MEPCE: variants seen among roughly 807,000 people sequenced by gnomAD.
The protein encoded by MEPCE is 7SK snRNA methylphosphate capping enzyme.
MEPCE carries 9 observed loss-of-function variants against 52.3 expected under a neutral mutation model. That is an observed-to-expected ratio of 0.17 (90% CI 0.10 to 0.30). The LOEUF (loss-of-function observed/expected upper bound fraction) is 0.30. MEPCE is among the 10% of genes least tolerant of loss of function. MEPCE has a pLI of 1.00. For missense variants in MEPCE, 826 were observed against 933.0 expected (o/e 0.89, Z 1.49); for synonymous variants, 477 against 401.6 (o/e 1.19, Z -2.25).
rs1432967235 is a variant in MEPCE, at chr7:100,430,120, G to GCAC, written c.105_107dup (p.His35dup). 3 of 1,263,548 alleles carry GCAC rather than the reference G, an allele frequency of 2.4e-6. No individual in the cohort carries two copies. In the African/African-American group the frequency reaches 4.7e-5, roughly 20 times the overall value. The allele number at this position is 1,263,548 out of a possible 1,614,324, so 78.3% of individuals were successfully genotyped here. On this transcript the variant is annotated inframe_insertion, in exon 1 of 4. Transcript: ENST00000310512. ...GAGGGGGCGGCCCCACGGTGCCACC[G>GCAC]CACCAAGAGGCCGCCTCTGGGGAGC...
rs892155145 is a variant in MEPCE, at chr7:100,430,132, C to G, written c.114C>G (p.Ala38=). Residue 38 remains alanine (A), a synonymous_variant, in exon 1 of 4, where the codon GCC becomes GCG. Coordinates refer to ENST00000310512, the MANE Select transcript of MEPCE (RefSeq NM_019606.6). ...CCACGGTGCCACCGCACCAAGAGGC[C>G]GCCTCTGGGGAGCTCCGCGGCGGGA... ...GGPTVPPHQE[A]ASGELRGGTE... is the part of the protein sequence containing the mutation. 7.9e-7 allele frequency: 1 copy of G among 1,268,424 alleles called. No individual in the cohort carries two copies. Among genetic ancestry groups the G allele is most frequent in the Admixed American group, 4.2e-5 (1 of 23,820 alleles). The allele number at this position is 1,268,424 out of a possible 1,614,324, so 78.6% of individuals were successfully genotyped here. A position where few individuals can be genotyped will look rare whatever the true frequency, so the allele number is the denominator to read the frequency against.
At chr7:100,429,473 C>T (rs1373063269), upstream of MEPCE, 2 of 152,436 alleles carry the variant, frequency 1.3e-5, no homozygotes, top group South Asian at 2.1e-4. Context: ...GGTCGGGTGT[C>T]AAGGAGACCT....
rs545888996 is a variant in MEPCE at position 100,433,337 on chromosome 7, C to T, written c.1965C>T (p.Asp655=). Reference sequence around the variant, plus strand: ...TCAGTTCCTACCTGACATCCCCAGACGTGGGCTTCTCCAGCTATGAGCTTG... The same window carrying T: ...TCAGTTCCTACCTGACATCCCCAGATGTGGGCTTCTCCAGCTATGAGCTTG... ...EQFSSYLTSP[D]VGFSSYELVA... is the part of the protein sequence containing the mutation. Residue 655 remains aspartate (D), a synonymous_variant, in exon 3 of 4, where the codon GAC becomes GAT. Coordinates refer to ENST00000310512, the MANE Select transcript of MEPCE (RefSeq NM_019606.6). 3.5e-5 allele frequency: 56 copies of T among 1,614,190 alleles called. No homozygotes were observed. The highest frequency in any genetic ancestry group is 4.3e-5 in the Non-Finnish European group (51 of 1,180,036).
rs1563163575 is a variant in MEPCE at position 100,431,151 on chromosome 7, G to T, written c.1133G>T (p.Gly378Val). 6.2e-7 allele frequency: 1 copy of T among 1,613,592 alleles called. No individual in the cohort carries two copies. The highest frequency in any genetic ancestry group is 8.5e-7 in the Non-Finnish European group (1 of 1,180,038). Residue 378 changes from glycine (G) to valine (V), a missense_variant, in exon 1 of 4, where the codon GGT (glycine) becomes GTT (valine). Gly to Val is a moderately radical substitution (Grantham distance 109). This residue lies in a region of MEPCE where 307 missense variants were observed against 292.1 expected (regional missense o/e 1.05). Coordinates refer to ENST00000310512, the MANE Select transcript of MEPCE (RefSeq NM_019606.6). ...TSSKSEAGAR[G>V]GGQGSKEKGR... ...AGCAAGTCGGAGGCAGGGGCTAGGG[G>T]TGGAGGCCAGGGTTCCAAGGAAAAG...
Position 100,429,865 on chromosome 7 carries a change from C to G in MEPCE, c.-154C>G, listed in dbSNP as rs1584319877. 5.1e-6 allele frequency: 3 copies of G among 590,728 alleles called. No individual in the cohort carries two copies. The South Asian group carries it at 2.7e-4, about 53-fold the overall frequency. 36.6% of individuals were successfully genotyped at this position (590,728 alleles called of 1,614,324 possible). On this transcript the variant is annotated 5_prime_UTR_variant, in exon 1 of 4. Coordinates refer to ENST00000310512, the MANE Select transcript of MEPCE (RefSeq NM_019606.6). ...TGGTCTCGCGGGCTAGTAGGGCGCACTTGGCGGGGAGGCGCTTGGGCGCGA... is the reference window on the plus strand; with the variant it reads ...TGGTCTCGCGGGCTAGTAGGGCGCAGTTGGCGGGGAGGCGCTTGGGCGCGA...
In MEPCE at chr7:100,431,505, G is replaced by C; in HGVS notation, c.1487G>C (p.Arg496Pro). ...CGACACTACCTTTCCGAGGAGCTGCGTCTCCCACCCCAGACTTTGGAAGGG... is the reference window on the plus strand; with the variant it reads ...CGACACTACCTTTCCGAGGAGCTGCCTCTCCCACCCCAGACTTTGGAAGGG... ...NIRHYLSEEL[R>P]LPPQTLEGDP... The change falls in exon 1 of 4, where the codon CGT (arginine) becomes CCT (proline). Residue 496 changes from arginine to proline, a missense_variant. This residue lies in a region of MEPCE where 107 missense variants were observed against 157.9 expected (regional missense o/e 0.68). Transcript: ENST00000310512. The C allele has an allele frequency of 6.2e-7, 1 of 1,613,402 alleles. No individual in the cohort carries two copies.
At chr7:100,431,823 C>A in intron 1 of MEPCE, 134 bp downstream of exon 1, 1 of 810,916 alleles carries the variant, frequency 1.2e-6, no homozygotes, top group Non-Finnish European at 1.9e-6. Context: ...CTCTGCTGGG[C>A]GTCTCTCCCC....
In MEPCE at chr7:100,433,688, C is replaced by G; in HGVS notation, c.*134C>G. On this transcript the variant is annotated 3_prime_UTR_variant, in exon 4 of 4. Transcript: ENST00000310512. ...TCCTTTCTTGGATCTGCAAAGAAAG[C>G]TTTTCTTCCGTCGCTGCCTCAGCCT... is the stretch of plus-strand genomic sequence containing the variant. 2 of 945,826 alleles carry G rather than the reference C, an allele frequency of 2.1e-6. No individual in the cohort carries two copies. The highest frequency in any genetic ancestry group is 3.2e-5 in the South Asian group (2 of 62,322). The allele number at this position is 945,826 out of a possible 1,614,324, so 58.6% of individuals were successfully genotyped here.
Position 100,430,110 on chromosome 7 carries a change from C to A in MEPCE, c.92C>A (p.Thr31Lys). 1 of 1,261,332 alleles carries A rather than the reference C, an allele frequency of 7.9e-7. No individual in the cohort carries two copies. The highest frequency in any genetic ancestry group is 3.0e-5 in the South Asian group (1 of 33,634). 78.1% of individuals were successfully genotyped at this position (1,261,332 alleles called of 1,614,324 possible). A position where few individuals can be genotyped will look rare whatever the true frequency, so the allele number is the denominator to read the frequency against. Residue 31 changes from threonine to lysine, a missense_variant, in exon 1 of 4, where the codon ACG (threonine) becomes AAG (lysine). This residue lies in a region of MEPCE where 314 missense variants were observed against 277.7 expected (regional missense o/e 1.13). Transcript: ENST00000310512. The part of the protein sequence containing the change: ...KDESGGGGGP[T>K]VPPHQEAASG... The stretch of plus-strand genomic sequence containing the variant: ...GAGTCGGGCGGAGGGGGCGGCCCCA[C>A]GGTGCCACCGCACCAAGAGGCCGCC...
Position 100,433,905 on chromosome 7 carries a change from C to T in MEPCE, c.*351C>T, listed in dbSNP as rs1798798218. ...CTATTCTCCCAAGGAGAGAGATTCC[C>T]ATTTCTCCTCGGCCATTGTACCTAG... On this transcript the variant is annotated 3_prime_UTR_variant, in exon 4 of 4. Coordinates refer to ENST00000310512, the MANE Select transcript of MEPCE (RefSeq NM_019606.6). The T allele has an allele frequency of 3.4e-6, 1 of 294,972 alleles. No individual in the cohort carries two copies. The highest frequency in any genetic ancestry group is 2.2e-5 in the African/African-American group (1 of 45,786). 18.3% of individuals were successfully genotyped at this position (294,972 alleles called of 1,614,324 possible). A position where few individuals can be genotyped will look rare whatever the true frequency, so the allele number is the denominator to read the frequency against.
Position 100,431,209 on chromosome 7 carries a change from C to A in MEPCE, c.1191C>A (p.His397Gln). The A allele has an allele frequency of 6.2e-7, 1 of 1,613,942 alleles. No homozygotes were observed. The highest frequency in any genetic ancestry group is 8.5e-7 in the Non-Finnish European group (1 of 1,180,010). ...GRGSWGGRHH[H>Q]HHPLPAAGFK... ...GGAGTTGGGGAGGCCGCCACCACCA[C>A]CACCACCCACTGCCTGCAGCAGGCT... is the stretch of plus-strand genomic sequence containing the variant. Residue 397 changes from histidine to glutamine, a missense_variant, in exon 1 of 4, where the codon CAC becomes CAA. His to Gln is a conservative substitution (Grantham distance 24, BLOSUM62 0). Transcript: ENST00000310512.
At chr7:100,429,806 C>T, upstream of MEPCE, 1 of 410,380 alleles carries the variant, frequency 2.4e-6, no homozygotes. Flanking sequence ...CGGTTGAGTC[C>T]TCGAGTAGTT....
In MEPCE at chr7:100,430,123, C is replaced by G; in HGVS notation, c.105C>G (p.His35Gln). ...GGGGGPTVPP[H>Q]QEAASGELRG... Reference sequence around the variant, plus strand: ...GGGGCGGCCCCACGGTGCCACCGCACCAAGAGGCCGCCTCTGGGGAGCTCC... The same window carrying G: ...GGGGCGGCCCCACGGTGCCACCGCAGCAAGAGGCCGCCTCTGGGGAGCTCC... Residue 35 changes from histidine to glutamine, a missense_variant, in exon 1 of 4, where the codon CAC becomes CAG. Transcript: ENST00000310512. The G allele has an allele frequency of 2.4e-6, 3 of 1,267,550 alleles. No homozygotes were observed. Among genetic ancestry groups the G allele is most frequent in the Non-Finnish European group, 3.0e-6 (3 of 1,006,698 alleles). The allele number at this position is 1,267,550 out of a possible 1,614,324, so 78.5% of individuals were successfully genotyped here.
upstream of MEPCE, chr7:100,428,798 G>C (rs200701118): frequency 2.2e-4 from 34 of 151,996 alleles, no homozygotes; most frequent in African/African-American, 8.0e-4. Context: ...GTGTTGAGAG[G>C]CCCGCGAACT....
At position 100,431,486 on chromosome 7, in the gene MEPCE, T is replaced by C. The variant is rs1183138782; in HGVS notation, c.1468T>C (p.Tyr490His). 3 of 1,613,434 alleles carry C rather than the reference T, an allele frequency of 1.9e-6. No homozygotes were observed. The highest frequency in any genetic ancestry group is 2.5e-6 in the Non-Finnish European group (3 of 1,180,018). Residue 490 changes from tyrosine (Y) to histidine (H), a missense_variant, in exon 1 of 4, where the codon TAC becomes CAC. Tyr to His is a moderately conservative substitution (Grantham distance 83). Around this residue, in one of 7 missense-constraint regions of MEPCE, gnomAD observed 107 missense variants for 157.9 expected, o/e 0.68. Transcript: ENST00000310512. ...TTCTGCCCGCCAAAACATCCGACAC[T>C]ACCTTTCCGAGGAGCTGCGTCTCCC... Reference protein sequence around the residue: ...IHSARQNIRHYLSEELRLPPQ... With the variant: ...IHSARQNIRHHLSEELRLPPQ...
At chr7:100,429,291 C>A (rs1025398062), upstream of MEPCE, 2 of 152,280 alleles carry the variant, frequency 1.3e-5, no homozygotes, top group Non-Finnish European at 2.9e-5. Context: ...CAGGCCCAAC[C>A]CCTAAGACGG....
At position 100,430,881 on chromosome 7, in the gene MEPCE, C is replaced by A. The variant is rs768629360; in HGVS notation, c.863C>A (p.Ala288Asp). The A allele has an allele frequency of 1.2e-6, 2 of 1,608,422 alleles. No individual in the cohort carries two copies. Among genetic ancestry groups the A allele is most frequent in the East Asian group, 4.5e-5 (2 of 44,782 alleles). ...GAGAGTCACCCCGTGCCGCCCACAG[C>A]CCCTCTCACCCCCTTACTCCACGGG... ...GSESHPVPPT[A>D]PLTPLLHGEG... The change falls in exon 1 of 4, where the codon GCC becomes GAC. Residue 288 changes from alanine to aspartate, a missense_variant. Around this residue, in one of 7 missense-constraint regions of MEPCE, gnomAD observed 307 missense variants for 292.1 expected, o/e 1.05. Coordinates refer to ENST00000310512, the MANE Select transcript of MEPCE (RefSeq NM_019606.6).
At position 100,431,359 on chromosome 7, in the gene MEPCE, C is replaced by G; in HGVS notation, c.1341C>G (p.Val447=). ...LKPEWFRGRD[V]LDLGCNVGHL... ...CTGAGTGGTTTCGGGGCCGGGACGTCCTAGATCTGGGCTGCAATGTGGGCC... is the reference window on the plus strand; with the variant it reads ...CTGAGTGGTTTCGGGGCCGGGACGTGCTAGATCTGGGCTGCAATGTGGGCC... The change falls in exon 1 of 4, where the codon GTC becomes GTG. Residue 447 remains valine (V), a synonymous_variant. Transcript: ENST00000310512. 6.2e-7 allele frequency: 1 copy of G among 1,614,164 alleles called. No homozygotes were observed.
chr7:100,428,825 G>A (rs1413447808), upstream of MEPCE: 2 of 152,326 alleles, frequency 1.3e-5, no homozygotes, highest in African/African-American at 2.4e-5. Flanking sequence ...CCAGTGAGCG[G>A]GCGTCGGGAG....
Sources: gnomAD v4.1 joint callset for allele counts on GRCh38, gnomAD v4.1.1 for gene constraint, gnomAD v4.1.1 regional missense constraint, MANE v1.5 for transcripts, NCBI Gene and HGNC (gene_info 2026-07-23, HGNC 2026-07-21) for gene names.